LRP6: variants seen among roughly 807,000 people sequenced by gnomAD.
LRP6 encodes the protein low-density lipoprotein receptor-related protein 6.
In LRP6, 43 loss-of-function variants were observed where a neutral mutation model predicts 184.1. The observed-to-expected ratio is 0.23, with a 90% CI of 0.18 to 0.30. The LOEUF is 0.30. Ranked by LOEUF, LRP6 falls within the 10% of genes least tolerant of loss-of-function variation. LRP6 has a pLI of 1.00. For missense variants in LRP6, 1,571 were observed against 2,005.3 expected, an observed-to-expected ratio of 0.78 and a Z score of 4.14; for synonymous variants, 719 against 684.9, an observed-to-expected ratio of 1.05 and a Z score of -0.78.
intron 1 of LRP6, among the ~76,000 whole-genome samples, chr12:12,264,716 A>G (rs1186355442): frequency 2.0e-5 from 3 of 152,228 alleles, no homozygotes; most frequent in Non-Finnish European, 4.4e-5. Flanking sequence ...AATTAATTCT[A>G]AATTATGAAC....
At chr12:12,222,648 A>G (rs1244170478) in intron 2 of LRP6, among the ~76,000 whole-genome samples, 3 of 152,008 alleles carry the variant, frequency 2.0e-5, no homozygotes, top group African/African-American at 7.2e-5. Context: ...TGGATGCCTG[A>G]AACTGCAGAG....
chr12:12,147,115 C>T (rs935210635), intron 15 of LRP6, among the ~76,000 whole-genome samples: 4 of 151,354 alleles, frequency 2.6e-5, no homozygotes, highest in East Asian at 1.9e-4. Context: ...AGCAAGACTC[C>T]GTCTCAAAAA....
chr12:12,218,200 T>C (rs1170968949), intron 2 of LRP6, among the ~76,000 whole-genome samples: 2 of 152,128 alleles, frequency 1.3e-5, no homozygotes, highest in African/African-American at 4.8e-5. Flanking sequence ...TTACCAGGCA[T>C]AGTGGTTCAT....
intron 2 of LRP6, among the ~76,000 whole-genome samples, 162 bp from the exon 3 acceptor site, chr12:12,203,562 C>A (rs1380591240): frequency 2.6e-5 from 4 of 152,124 alleles, no homozygotes; most frequent in African/African-American, 4.8e-5. Flanking sequence ...GTCAAGAGAT[C>A]GAGACCATCC....
intron 2 of LRP6, 99 bp from the exon 3 acceptor site, chr12:12,203,499 G>A: frequency 1.1e-6 from 1 of 939,530 alleles, no homozygotes. Context: ...GCGCGCAGTG[G>A]CTCACACTTG....
At position 12,130,998 on chromosome 12, in the gene LRP6, G is replaced by C; in HGVS notation, c.3971-105C>G. On this transcript the variant is annotated intron_variant, in intron 18 of 22. Transcript: ENST00000261349. Reference sequence around the variant, plus strand: ...CTGAACACAAATGAAAAACAAATTAGACTTTTAGCTATAACTTAAATATTA... The same window carrying C: ...CTGAACACAAATGAAAAACAAATTACACTTTTAGCTATAACTTAAATATTA... 4.5e-6 allele frequency: 3 copies of C among 672,854 alleles called. No homozygotes were observed. The South Asian group carries it at 4.6e-5, about 10-fold the overall frequency. 41.7% of individuals were successfully genotyped at this position (672,854 alleles called of 1,614,324 possible).
chr12:12,238,822 A>C (rs1239098740), intron 2 of LRP6, among the ~76,000 whole-genome samples: 3 of 152,204 alleles, frequency 2.0e-5, no homozygotes, highest in African/African-American at 7.2e-5. Flanking sequence ...GCAATGGTAA[A>C]ATAAGAAATT....
Position 12,120,065 on chromosome 12 carries a change from A to T in LRP6, c.*1061T>A, listed in dbSNP as rs546814992. On this transcript the variant is annotated 3_prime_UTR_variant, in exon 23 of 23. Coordinates refer to ENST00000261349, the MANE Select transcript of LRP6 (RefSeq NM_002336.3). The stretch of plus-strand genomic sequence containing the variant: ...TATAAATGATTTCGTACTGTGATAT[A>T]TGCTGAAAGTAGTGCAAGGATATGA... The T allele has an allele frequency of 7.3e-6, 1 of 136,538 alleles. No homozygotes were observed. The highest frequency in any genetic ancestry group is 1.6e-5 in the Non-Finnish European group (1 of 64,220). The allele number at this position is 136,538 out of a possible 1,614,324, so 8.5% of individuals were successfully genotyped here. A position where few individuals can be genotyped will look rare whatever the true frequency, so the allele number is the denominator to read the frequency against.
At chr12:12,234,449 C>CA (rs1381988298) in intron 2 of LRP6, among the ~76,000 whole-genome samples, 41 of 139,974 alleles carry the variant, frequency 2.9e-4, no homozygotes, top group South Asian at 6.8e-4. Flanking sequence ...GACTCCGTCT[C>CA]AAAAAAAAAA....
intron 7 of LRP6, among the ~76,000 whole-genome samples, chr12:12,166,976 G>A (rs748854086): frequency 4.6e-5 from 7 of 152,138 alleles, no homozygotes; most frequent in African/African-American, 9.7e-5. Context: ...TGGTAAGCCT[G>A]TAGTCCTAGC....
chr12:12,141,831 C>T (rs994853011), intron 15 of LRP6, among the ~76,000 whole-genome samples: 2 of 152,114 alleles, frequency 1.3e-5, no homozygotes, highest in African/African-American at 4.8e-5. Flanking sequence ...TGTTCATAGC[C>T]ATAAATAATA....
chr12:12,261,986 T>C (rs147798710), intron 1 of LRP6, among the ~76,000 whole-genome samples: 6,271 of 152,254 alleles, frequency 0.041, 177 homozygotes, highest in Middle Eastern at 0.16. Context: ...CTCACGCCTG[T>C]AATCCCAACA....
chr12:12,145,154 A>G (rs977177533), intron 15 of LRP6, among the ~76,000 whole-genome samples: 1 of 152,126 alleles, frequency 6.6e-6, no homozygotes, highest in Non-Finnish European at 1.5e-5. Context: ...AAAGACATAA[A>G]TGCATTAGGT....
chr12:12,147,112 C>T (rs1429775981), intron 15 of LRP6, among the ~76,000 whole-genome samples: 2 of 151,864 alleles, frequency 1.3e-5, no homozygotes, highest in Admixed American at 6.6e-5. Flanking sequence ...TAAAGCAAGA[C>T]TCCGTCTCAA....
chr12:12,165,044 G>T (rs1156280517), intron 8 of LRP6, 35 bp downstream of exon 8: 1 of 1,510,604 alleles, frequency 6.6e-7, no homozygotes, highest in Non-Finnish European at 9.2e-7. Flanking sequence ...TTCATTCCTG[G>T]TTCCCATTTC....
chr12:12,175,296 G>A (rs1161990071), intron 7 of LRP6, among the ~76,000 whole-genome samples: 1 of 152,140 alleles, frequency 6.6e-6, no homozygotes, highest in Non-Finnish European at 1.5e-5. Flanking sequence ...GGCTGGGGCA[G>A]GGGTATCACT....
At chr12:12,194,493 C>G (rs1212766248) in intron 3 of LRP6, among the ~76,000 whole-genome samples, 1 of 152,006 alleles carries the variant, frequency 6.6e-6, no homozygotes, top group Non-Finnish European at 1.5e-5. Context: ...CACTTTCTTG[C>G]CTTTATAGTT....
At chr12:12,209,506 C>T (rs10466849) in intron 2 of LRP6, among the ~76,000 whole-genome samples, 28,420 of 151,774 alleles carry the variant, frequency 0.19, 3,173 homozygotes, top group African/African-American at 0.31. Flanking sequence ...GAGAACTTGA[C>T]GAAAATTAGC....
intron 22 of LRP6, among the ~76,000 whole-genome samples, chr12:12,124,309 G>A (rs1949642812): frequency 6.6e-6 from 1 of 152,120 alleles, no homozygotes; most frequent in African/African-American, 2.4e-5. Context: ...GGAGGCGGAG[G>A]TTGCAGTGAG....
Sources: gnomAD v4.1 joint callset for allele counts (sites outside exome capture counted in the v4.1 genomes callset) on GRCh38, gnomAD v4.1.1 for gene constraint, MANE v1.5 for transcripts, NCBI Gene and HGNC (gene_info 2026-07-23, HGNC 2026-07-21) for gene names.